RTTN: variants seen among roughly 807,000 people sequenced by gnomAD.
The protein encoded by RTTN is rotatin.
Under a neutral mutation model 269.2 loss-of-function variants are expected in RTTN, and 182 were observed. The ratio of observed to expected loss-of-function variants is 0.68; its 90% CI spans 0.60 to 0.76. RTTN has a LOEUF of 0.76. Ranked by LOEUF, RTTN falls within the 30% of genes least tolerant of loss-of-function variation. The pLI is 0.00. For synonymous variants in RTTN, 1,006 were observed against 963.5 expected (o/e 1.04, Z -0.82); for missense variants, 2,545 against 2,608.6 (o/e 0.98, Z 0.53).
In RTTN at chr18:70,029,946, T is replaced by A. The variant is rs969585248; in HGVS notation, c.5745+66A>T. 6 of 1,159,072 alleles carry A rather than the reference T, an allele frequency of 5.2e-6. No individual in the cohort carries two copies. In the African/African-American group the frequency reaches 7.7e-5, roughly 15 times the overall value. 71.8% of individuals were successfully genotyped at this position (1,159,072 alleles called of 1,614,324 possible). On this transcript the variant is annotated intron_variant, in intron 42 of 48. Coordinates refer to ENST00000640769, the MANE Select transcript of RTTN (RefSeq NM_173630.4). ...ACACTCATTTCAAGCTCGTGCTCATTTCTAGGCACAAGAGGACTGGAGAAT... is the reference window on the plus strand; with the variant it reads ...ACACTCATTTCAAGCTCGTGCTCATATCTAGGCACAAGAGGACTGGAGAAT...
At chr18:70,134,341 T>G in intron 23 of RTTN, 132 bp downstream of exon 23, 4 of 688,532 alleles carry the variant, frequency 5.8e-6, no homozygotes, top group Non-Finnish European at 1.0e-5. Context: ...AGCACCATTG[T>G]GAAGGAACCA....
At chr18:70,047,892 G>T in intron 40 of RTTN, 79 bp downstream of exon 40, 2 of 1,119,390 alleles carry the variant, frequency 1.8e-6, no homozygotes, top group Non-Finnish European at 2.6e-6. Flanking sequence ...GACTGAGACA[G>T]TTTTTAACAA....
chr18:70,060,326 G>A (rs778088477), intron 35 of RTTN, among the ~76,000 whole-genome samples: 6 of 152,090 alleles, frequency 3.9e-5, no homozygotes, highest in Non-Finnish European at 7.4e-5. Flanking sequence ...ATGACTTCAT[G>A]CCCCACGTAT....
rs747101627 is a variant in RTTN, at chr18:70,150,700, C to T, written c.1963G>A (p.Val655Met). Reference sequence around the variant, plus strand: ...TGAATTCCATTGCAAAGTGAAGACACGGGTTTAGTGACATTATGGACACCT... The same window carrying T: ...TGAATTCCATTGCAAAGTGAAGACATGGGTTTAGTGACATTATGGACACCT... ...CLGVHNVTKPVSSLCNGIHFL... is the reference protein window; with the variant it reads ...CLGVHNVTKPMSSLCNGIHFL... The change falls in exon 15 of 49, where the codon GTG becomes ATG. Residue 655 changes from valine to methionine, a missense_variant. Val to Met is a conservative substitution (Grantham distance 21). Coordinates refer to ENST00000640769, the MANE Select transcript of RTTN (RefSeq NM_173630.4). 2.6e-5 allele frequency: 42 copies of T among 1,607,976 alleles called. No individual in the cohort carries two copies. Among genetic ancestry groups the T allele is most frequent in the South Asian group, 1.1e-4 (10 of 90,924 alleles).
chr18:70,197,614 G>A lies in RTTN; in HGVS notation c.693+10C>T, dbSNP rs1310071181. On this transcript the variant is annotated intron_variant, in intron 6 of 48. Coordinates refer to ENST00000640769, the MANE Select transcript of RTTN (RefSeq NM_173630.4). ...GTTCAAAATCTAAAACAATTATAGA[G>A]GGCACTGACCTGAACAATTTTTGGC... The A allele has an allele frequency of 2.0e-6, 3 of 1,530,504 alleles. No homozygotes were observed. In the East Asian group the frequency reaches 6.8e-5, roughly 34 times the overall value. The allele number at this position is 1,530,504 out of a possible 1,614,324, so 94.8% of individuals were successfully genotyped here. A position where few individuals can be genotyped will look rare whatever the true frequency, so the allele number is the denominator to read the frequency against.
chr18:70,076,074 C>T (rs1026612175), intron 32 of RTTN, among the ~76,000 whole-genome samples: 12 of 151,970 alleles, frequency 7.9e-5, no homozygotes, highest in African/African-American at 2.4e-4. Context: ...CACATGTATA[C>T]ATACACACAC....
rs2058866050 is a variant in RTTN, at chr18:70,092,158, T to C, written c.4095A>G (p.Gln1365=). The part of the protein sequence containing the change: ...GSHSEEHIPT[Q]QGLAWLIPLW... Reference sequence around the variant, plus strand: ...ATGGAATCAACCAAGCCAATCCTTGTTGAGTAGGAATATGTTCTTCACTAT... The same window carrying C: ...ATGGAATCAACCAAGCCAATCCTTGCTGAGTAGGAATATGTTCTTCACTAT... Residue 1365 remains glutamine (Q), a synonymous_variant, in exon 30 of 49, where the codon CAA becomes CAG. Transcript: ENST00000640769. The C allele has an allele frequency of 1.2e-6, 2 of 1,613,774 alleles. No homozygotes were observed. Among genetic ancestry groups the C allele is most frequent in the Non-Finnish European group, 1.7e-6 (2 of 1,179,736 alleles).
intron 40 of RTTN, chr18:70,031,231 T>C: frequency 1.9e-6 from 1 of 526,366 alleles, no homozygotes; most frequent in East Asian, 3.0e-5. Context: ...AAAGCTTTAT[T>C]TAGCTTTCAC....
At chr18:70,173,371 C>A (rs1599900432) in intron 11 of RTTN, among the ~76,000 whole-genome samples, 1 of 150,810 alleles carries the variant, frequency 6.6e-6, no homozygotes. Flanking sequence ...GGCACACCTG[C>A]AATCCCAGCT....
intron 40 of RTTN, among the ~76,000 whole-genome samples, chr18:70,039,967 G>C (rs530644028): frequency 6.6e-6 from 1 of 152,136 alleles, no homozygotes; most frequent in East Asian, 1.9e-4. Flanking sequence ...TACCAAAAAG[G>C]ATACAAATGG....
intron 35 of RTTN, among the ~76,000 whole-genome samples, chr18:70,060,271 C>T (rs537307049): frequency 2.6e-5 from 4 of 152,184 alleles, no homozygotes; most frequent in South Asian, 4.2e-4. Context: ...TGTGTACACA[C>T]GGACATTGTC....
At chr18:70,029,552 T>C (rs1399579856) in intron 42 of RTTN, among the ~76,000 whole-genome samples, 1 of 152,158 alleles carries the variant, frequency 6.6e-6, no homozygotes, top group Non-Finnish European at 1.5e-5. Context: ...GGGCAAATAT[T>C]AGCTCCATCA....
chr18:70,156,143 C>A (rs2060669337), intron 14 of RTTN, among the ~76,000 whole-genome samples: 1 of 152,158 alleles, frequency 6.6e-6, no homozygotes, highest in Admixed American at 6.5e-5. Context: ...TGCCGGTGAG[C>A]CGGGTGGAAC....
chr18:70,010,379 C>A (rs1352794741), intron 46 of RTTN, among the ~76,000 whole-genome samples: 1 of 152,190 alleles, frequency 6.6e-6, no homozygotes, highest in South Asian at 2.1e-4. Context: ...GAAATCATAA[C>A]AAACAGTCTC....
At chr18:70,201,219 C>T (rs185091023) in intron 4 of RTTN, among the ~76,000 whole-genome samples, 308 of 152,296 alleles carry the variant, frequency 2.0e-3, no homozygotes, top group Middle Eastern at 6.8e-3. Flanking sequence ...GATCTTCAGC[C>T]TCTGGCTGGC....
intron 19 of RTTN, among the ~76,000 whole-genome samples, chr18:70,140,801 T>C (rs576172739): frequency 1.1e-4 from 17 of 152,308 alleles, no homozygotes; most frequent in South Asian, 6.2e-4. Flanking sequence ...TGTATAGACA[T>C]GTGCACACGC....
Position 70,004,010 on chromosome 18 carries a change from T to C in RTTN, c.*141A>G. The C allele has an allele frequency of 1.7e-6, 1 of 597,012 alleles. No homozygotes were observed. The highest frequency in any genetic ancestry group is 3.0e-6 in the Non-Finnish European group (1 of 336,748). The allele number at this position is 597,012 out of a possible 1,614,324, so 37.0% of individuals were successfully genotyped here. On this transcript the variant is annotated 3_prime_UTR_variant, in exon 49 of 49. Transcript: ENST00000640769. ...GACGGTGTTGGAGTATCACCAGTTC[T>C]CTCTCTCATGGGAAAGAAGGGGATC...
At chr18:70,148,310 A>G (rs1452147123) in intron 17 of RTTN, among the ~76,000 whole-genome samples, 1 of 152,196 alleles carries the variant, frequency 6.6e-6, no homozygotes, top group Non-Finnish European at 1.5e-5. Flanking sequence ...AATAATAGAA[A>G]AGATTCATGT....
At chr18:70,133,137 A>T (rs1815176028) in intron 23 of RTTN, among the ~76,000 whole-genome samples, 1 of 152,128 alleles carries the variant, frequency 6.6e-6, no homozygotes, top group African/African-American at 2.4e-5. Flanking sequence ...ACTAGAGAAC[A>T]TATTTTCTAT....
Sources: allele counts gnomAD v4.1 joint callset (sites outside exome capture counted in the v4.1 genomes callset), GRCh38; gene constraint gnomAD v4.1.1; transcripts MANE v1.5; gene names NCBI Gene and HGNC (gene_info 2026-07-23, HGNC 2026-07-21).